The following LRP1B variants were observed in gnomAD, a reference collection of about 807,000 sequenced individuals.
The protein encoded by LRP1B is low-density lipoprotein receptor-related protein 1B.
In LRP1B, 217 loss-of-function variants were observed where a neutral mutation model predicts 556.6. That is an observed-to-expected ratio of 0.39 (90% CI 0.35 to 0.44). The LOEUF (loss-of-function observed/expected upper bound fraction) is 0.44, where lower values mean the gene tolerates loss of function less well. LRP1B is among the 20% of genes least tolerant of loss of function. LRP1B has a pLI of 1.00. For synonymous variants in LRP1B, 2,047 were observed against 1,865.8 expected, an observed-to-expected ratio of 1.10 and a Z score of -2.50; for missense variants, 5,053 against 5,620.8, an observed-to-expected ratio of 0.90 and a Z score of 3.23.
intron 1 of LRP1B, among the ~76,000 whole-genome samples, chr2:142,020,832 A>G (rs1404815110): frequency 6.6e-6 from 1 of 152,204 alleles, no homozygotes; most frequent in Non-Finnish European, 1.5e-5. Context: ...AATTAATTTC[A>G]GGATTTAGCA....
intron 72 of LRP1B, among the ~76,000 whole-genome samples, chr2:140,359,398 G>A (rs1452672293): frequency 1.3e-5 from 2 of 151,534 alleles, no homozygotes; most frequent in African/African-American, 2.4e-5. Context: ...ATTCTAACTT[G>A]ATTTCTTACT....
chr2:141,876,669 A>C (rs1469831763), intron 1 of LRP1B, among the ~76,000 whole-genome samples: 2 of 151,964 alleles, frequency 1.3e-5, no homozygotes, highest in African/African-American at 4.8e-5. Flanking sequence ...ACTTAATTAC[A>C]GCATGCTGAG....
At chr2:141,923,158 C>T (rs114798430) in intron 1 of LRP1B, among the ~76,000 whole-genome samples, 2,293 of 151,608 alleles carry the variant, frequency 0.015, 36 homozygotes, top group Middle Eastern at 0.065. Flanking sequence ...GGAGATTCCA[C>T]AAAGTTTAGT....
intron 7 of LRP1B, among the ~76,000 whole-genome samples, chr2:141,108,683 A>G (rs1296883600): frequency 6.6e-6 from 1 of 152,086 alleles, no homozygotes; most frequent in African/African-American, 2.4e-5. Flanking sequence ...ATATTTAGAC[A>G]TAAGTGACAA....
chr2:141,226,580 T>C (rs568562771), intron 6 of LRP1B, among the ~76,000 whole-genome samples: 1 of 152,186 alleles, frequency 6.6e-6, no homozygotes, highest in South Asian at 2.1e-4. Context: ...CTAAATATAA[T>C]GGGGGTGGGA....
chr2:140,372,166 C>T (rs542103455), intron 69 of LRP1B, among the ~76,000 whole-genome samples: 9 of 152,116 alleles, frequency 5.9e-5, no homozygotes, highest in African/African-American at 2.2e-4. Flanking sequence ...AATTCCTTAG[C>T]TCAGGGATAC....
chr2:141,549,668 A>G (rs896618491), intron 2 of LRP1B, among the ~76,000 whole-genome samples: 2 of 152,164 alleles, frequency 1.3e-5, no homozygotes, highest in African/African-American at 2.4e-5. Context: ...CATTATTTTT[A>G]AAGCAAAAAC....
intron 66 of LRP1B, among the ~76,000 whole-genome samples, chr2:140,407,181 A>G (rs1684777078): frequency 6.6e-6 from 1 of 152,146 alleles, no homozygotes; most frequent in Non-Finnish European, 1.5e-5. Flanking sequence ...ACGTTATACA[A>G]AAATCAGTTC....
chr2:141,474,794 A>G (rs1682637470), intron 3 of LRP1B, among the ~76,000 whole-genome samples: 1 of 152,166 alleles, frequency 6.6e-6, no homozygotes, highest in Non-Finnish European at 1.5e-5. Flanking sequence ...AAAGATGAGT[A>G]TGTGTGTATG....
At chr2:141,343,862 G>T (rs899743724) in intron 3 of LRP1B, among the ~76,000 whole-genome samples, 4 of 152,052 alleles carry the variant, frequency 2.6e-5, no homozygotes, top group Admixed American at 2.0e-4. Flanking sequence ...GTTCTTTTTG[G>T]TTCCTTCCTC....
At chr2:141,256,372 T>TA (rs879609647) in intron 3 of LRP1B, among the ~76,000 whole-genome samples, 257 of 147,270 alleles carry the variant, frequency 1.7e-3, no homozygotes, top group Non-Finnish European at 2.9e-3. Flanking sequence ...TTGATGTAGT[T>TA]AAAAAAAAAA....
At chr2:140,971,437 T>G (rs927440460) in intron 18 of LRP1B, among the ~76,000 whole-genome samples, 2 of 152,244 alleles carry the variant, frequency 1.3e-5, no homozygotes, top group African/African-American at 4.8e-5. Context: ...TAAATTTCTG[T>G]TGTTTTAAGC....
chr2:141,158,367 T>C (rs1702120553), intron 7 of LRP1B, among the ~76,000 whole-genome samples: 1 of 152,174 alleles, frequency 6.6e-6, no homozygotes, highest in South Asian at 2.1e-4. Flanking sequence ...TTAGCAATTA[T>C]TCAGTGTCCT....
At chr2:141,043,998 C>T (rs910239695) in intron 11 of LRP1B, among the ~76,000 whole-genome samples, 22 of 152,078 alleles carry the variant, frequency 1.4e-4, no homozygotes, top group African/African-American at 5.3e-4. Context: ...GTGGAGGCAT[C>T]ACACTACCTG....
chr2:140,736,460 C>T (rs1687949533), intron 35 of LRP1B, among the ~76,000 whole-genome samples: 1 of 152,102 alleles, frequency 6.6e-6, no homozygotes, highest in Non-Finnish European at 1.5e-5. Flanking sequence ...AGGCATCATG[C>T]TACCTGACTT....
At chr2:141,189,933 G>GAAGA (rs959969938) in intron 6 of LRP1B, among the ~76,000 whole-genome samples, 43 of 8,010 alleles carry the variant, frequency 5.4e-3, no homozygotes, top group African/African-American at 8.9e-3. Context: ...AGTTCCTTTA[G>GAAGA]AAGAAAGAAA....
intron 71 of LRP1B, among the ~76,000 whole-genome samples, chr2:140,369,795 A>G (rs1682914412): frequency 6.6e-6 from 1 of 152,026 alleles, no homozygotes; most frequent in Non-Finnish European, 1.5e-5. Flanking sequence ...GTGACTACAT[A>G]TTTACAAAAG....
rs200750929 is a variant in LRP1B, at chr2:140,867,693, C to T, written c.4476G>A (p.Leu1492=). The T allele has an allele frequency of 2.7e-5, 43 of 1,613,498 alleles. 1 individual carries two copies. In the Middle Eastern group the frequency reaches 6.6e-4, roughly 25 times the overall value. ...GCCCTGTCCACTTATTGGCTTTGGA[C>T]AATGTGTTGGTCCTCCAGTCTGTCC... ...VYWTDWRTNT[L]SKANKWTGQN... Residue 1492 remains leucine, a synonymous_variant, in exon 27 of 91, where the codon TTG becomes TTA. Transcript: ENST00000389484.
intron 72 of LRP1B, among the ~76,000 whole-genome samples, chr2:140,362,360 A>G (rs906120098): frequency 6.6e-6 from 1 of 151,704 alleles, no homozygotes; most frequent in Non-Finnish European, 1.5e-5. Context: ...CAATAGTTCA[A>G]TTTAAGGTTT....
Sources: gnomAD v4.1 joint callset for allele counts (sites outside exome capture counted in the v4.1 genomes callset) on GRCh38, gnomAD v4.1.1 for gene constraint, MANE v1.5 for transcripts, NCBI Gene and HGNC (gene_info 2026-07-23, HGNC 2026-07-21) for gene names.